USP48: variants seen among roughly 807,000 people sequenced by gnomAD.
The protein encoded by USP48 is ubiquitin specific peptidase 48.
USP48 carries 43 observed loss-of-function variants against 150.7 expected under a neutral mutation model. The ratio of observed to expected loss-of-function variants is 0.29; its 90% CI spans 0.22 to 0.37. USP48 has a LOEUF of 0.37. Among genes scored for constraint, USP48 ranks in the 10% least tolerant of loss-of-function variants. The pLI, the probability that USP48 is intolerant of heterozygous loss-of-function variation, is 1.00. For missense variants in USP48, 813 were observed against 1,249.6 expected, an observed-to-expected ratio of 0.65 and a Z score of 5.27; for synonymous variants, 396 against 425.9, an observed-to-expected ratio of 0.93 and a Z score of 0.86.
intron 25 of USP48, chr1:21,686,856 C>T (rs138704246): frequency 3.8e-6 from 1 of 264,556 alleles, no homozygotes; most frequent in African/African-American, 2.3e-5. Flanking sequence ...TTTTTAGGCT[C>T]ACAATTCATT....
chr1:21,769,992 G>A (rs376579872), intron 1 of USP48, among the ~76,000 whole-genome samples: 1 of 151,984 alleles, frequency 6.6e-6, no homozygotes, highest in African/African-American at 2.4e-5. Flanking sequence ...CTAGTAGAAA[G>A]GAATATAATA....
chr1:21,711,356 A>G (rs1004522635), intron 15 of USP48, among the ~76,000 whole-genome samples: 1 of 152,176 alleles, frequency 6.6e-6, no homozygotes, highest in African/African-American at 2.4e-5. Flanking sequence ...GTATGTAGTT[A>G]GATGCTCAGT....
chr1:21,724,138 T>G (rs1313179725), intron 11 of USP48, 43 bp from the exon 12 acceptor site: 1 of 1,585,828 alleles, frequency 6.3e-7, no homozygotes, highest in Non-Finnish European at 8.6e-7. Flanking sequence ...ATTTTTACAG[T>G]TTTTTGACTA....
chr1:21,769,566 C>A (rs752675401), intron 1 of USP48, among the ~76,000 whole-genome samples: 1 of 152,074 alleles, frequency 6.6e-6, no homozygotes, highest in Non-Finnish European at 1.5e-5. Context: ...GCATGCACCA[C>A]CACGTCTGGC....
chr1:21,759,513 A>G (rs2097845174), intron 1 of USP48, among the ~76,000 whole-genome samples: 1 of 152,210 alleles, frequency 6.6e-6, no homozygotes, highest in African/African-American at 2.4e-5. Context: ...CCTTGGAGAA[A>G]TAACTGGCTG....
At chr1:21,777,185 T>C (rs2097901959) in intron 1 of USP48, among the ~76,000 whole-genome samples, 2 of 150,556 alleles carry the variant, frequency 1.3e-5, no homozygotes, top group African/African-American at 4.9e-5. Context: ...CTACTCGGGA[T>C]GCTGAAGTAG....
At chr1:21,759,963 T>C (rs1359291190) in intron 1 of USP48, among the ~76,000 whole-genome samples, 2 of 152,222 alleles carry the variant, frequency 1.3e-5, no homozygotes, top group African/African-American at 2.4e-5. Flanking sequence ...ATAATAACTT[T>C]CAGTGGAGAA....
rs1304395357 is a variant in USP48 at position 21,752,979 on chromosome 1, A to T, written c.540+13T>A. ...TCTGAATATTTAAAAAAAAAAAAAAATTCAGTTCTTACCTGCTGTTGTCCA... is the reference window on the plus strand; with the variant it reads ...TCTGAATATTTAAAAAAAAAAAAAATTTCAGTTCTTACCTGCTGTTGTCCA... On this transcript the variant is annotated intron_variant, in intron 4 of 26. Transcript: ENST00000308271. The T allele has an allele frequency of 1.3e-6, 2 of 1,574,670 alleles. No individual in the cohort carries two copies. The highest frequency in any genetic ancestry group is 1.7e-4 in the Middle Eastern group (1 of 5,948).
At chr1:21,724,152 GATACATTC>G in intron 11 of USP48, 57 bp from the exon 12 acceptor site, 1 of 1,540,394 alleles carries the variant, frequency 6.5e-7, no homozygotes, top group Non-Finnish European at 8.9e-7. Flanking sequence ...TTGACTAAGT[GATACATTC>G]ATTTTTCTCA....
At chr1:21,720,057 T>C (rs2097715822) in intron 14 of USP48, among the ~76,000 whole-genome samples, 1 of 152,222 alleles carries the variant, frequency 6.6e-6, no homozygotes, top group South Asian at 2.1e-4. Context: ...AATTTAGTGT[T>C]TGCTTTAAAA....
intron 11 of USP48, among the ~76,000 whole-genome samples, chr1:21,726,853 G>C (rs2097738850): frequency 6.6e-6 from 1 of 151,966 alleles, no homozygotes; most frequent in African/African-American, 2.4e-5. Flanking sequence ...CTATTATCAA[G>C]CTGGAGATAC....
At chr1:21,685,094 T>C (rs964667487) in intron 25 of USP48, among the ~76,000 whole-genome samples, 1 of 152,204 alleles carries the variant, frequency 6.6e-6, no homozygotes, top group Non-Finnish European at 1.5e-5. Flanking sequence ...GGTATTTTGA[T>C]AGGAATTGCA....
In USP48 at chr1:21,679,046, G is replaced by A. The variant is rs556233716; in HGVS notation, c.*371C>T. 94 of 339,802 alleles carry A rather than the reference G, an allele frequency of 2.8e-4. No homozygotes were observed. Among genetic ancestry groups the A allele is most frequent in the Non-Finnish European group, 4.2e-4 (76 of 181,688 alleles). 21.0% of individuals were successfully genotyped at this position (339,802 alleles called of 1,614,324 possible). A position where few individuals can be genotyped will look rare whatever the true frequency, so the allele number is the denominator to read the frequency against. On this transcript the variant is annotated 3_prime_UTR_variant, in exon 27 of 27. Transcript: ENST00000308271. The stretch of plus-strand genomic sequence containing the variant: ...TTGATACAATCCTTTATGGACCAAC[G>A]CATCTGGTATGAAACTCGAGCAAGG...
At chr1:21,769,882 A>G (rs115198519) in intron 1 of USP48, among the ~76,000 whole-genome samples, 1 of 152,112 alleles carries the variant, frequency 6.6e-6, no homozygotes, top group East Asian at 1.9e-4. Flanking sequence ...CCTGTATCAA[A>G]AAGAAAAGAA....
intron 23 of USP48, 76 bp from the exon 24 acceptor site, chr1:21,690,175 C>T: frequency 7.8e-7 from 1 of 1,287,474 alleles, no homozygotes; most frequent in Non-Finnish European, 1.0e-6. Flanking sequence ...ATAAATTATG[C>T]ATGGATTCTT....
intron 23 of USP48, among the ~76,000 whole-genome samples, chr1:21,691,037 G>C (rs573467784): frequency 1.3e-5 from 2 of 152,196 alleles, no homozygotes; most frequent in East Asian, 3.9e-4. Context: ...AAATACAGCC[G>C]GGTGCAGTGG....
chr1:21,720,414 A>C (rs1455914977), intron 14 of USP48, among the ~76,000 whole-genome samples: 1 of 152,204 alleles, frequency 6.6e-6, no homozygotes, highest in East Asian at 1.9e-4. Context: ...AATAGCTTAA[A>C]AATCTTTTAT....
chr1:21,725,573 G>A (rs1445156489), intron 11 of USP48, among the ~76,000 whole-genome samples: 3 of 152,038 alleles, frequency 2.0e-5, no homozygotes, highest in African/African-American at 7.2e-5. Context: ...CCAACAGGGA[G>A]AAACCCCGTC....
chr1:21,706,042 A>T (rs1204993162), intron 18 of USP48, 84 bp downstream of exon 18: 3 of 1,444,094 alleles, frequency 2.1e-6, no homozygotes, highest in Non-Finnish European at 2.9e-6. Context: ...AGGGTACAAC[A>T]AACAGAATCC....
Sources: allele counts gnomAD v4.1 joint callset (sites outside exome capture counted in the v4.1 genomes callset), GRCh38; gene constraint gnomAD v4.1.1; transcripts MANE v1.5; gene names NCBI Gene and HGNC (gene_info 2026-07-23, HGNC 2026-07-21).